Variants in CDH4 observed in about 807,000 individuals in gnomAD.
The protein encoded by CDH4 is cadherin 4, also known as cadherin-4.
CDH4 carries 33 observed loss-of-function variants against 86.0 expected under a neutral mutation model. The ratio of observed to expected loss-of-function variants is 0.38; its 90% CI spans 0.29 to 0.51. CDH4 has a LOEUF of 0.51. Ranked by LOEUF, CDH4 falls within the 20% of genes least tolerant of loss-of-function variation. The pLI, the probability that CDH4 is intolerant of heterozygous loss-of-function variation, is 0.86. For missense variants in CDH4, 1,114 were observed against 1,307.4 expected (o/e 0.85, Z 2.28); for synonymous variants, 555 against 549.4 (o/e 1.01, Z -0.14).
intron 3 of CDH4, among the ~76,000 whole-genome samples, chr20:61,746,167 C>T (rs551688005): frequency 6.6e-6 from 1 of 152,072 alleles, no homozygotes; most frequent in Non-Finnish European, 1.5e-5. Context: ...ATGTCGTTTT[C>T]GTACTTTCCT....
rs146004207 is a variant in CDH4, at chr20:61,495,668, T to C, written c.169+240731T>C. On this transcript the variant is annotated intron_variant, in intron 2 of 15. Transcript: ENST00000614565. ...CTATAATCCCAGCACTTTGGGAGGC[T>C]GAGGCAGGTGGATCGCCTAAGGTCA... 8.4e-3 allele frequency among the ~76,000 whole-genome samples: 1,274 copies of C among 152,238 alleles called. 18 individuals carry two copies. The highest frequency in any genetic ancestry group is 0.03 in the African/African-American group (1,227 of 41,540).
intron 4 of CDH4, among the ~76,000 whole-genome samples, chr20:61,788,386 G>T (rs1046089337): frequency 6.6e-6 from 1 of 152,218 alleles, no homozygotes; most frequent in Non-Finnish European, 1.5e-5. Context: ...CACAGCGTAG[G>T]TTCTGGTTAA....
intron 2 of CDH4, among the ~76,000 whole-genome samples, chr20:61,368,959 G>C (rs1272409150): frequency 6.6e-6 from 1 of 152,158 alleles, no homozygotes; most frequent in African/African-American, 2.4e-5. Flanking sequence ...CATCATTTTT[G>C]TGATATATCC....
chr20:61,520,088 T>G (rs2145625700), intron 2 of CDH4, among the ~76,000 whole-genome samples: 1 of 152,332 alleles, frequency 6.6e-6, no homozygotes, highest in Middle Eastern at 3.4e-3. Context: ...ACCAAGCATC[T>G]TCTTTGGGAA....
At chr20:61,369,392 A>C (rs996113578) in intron 2 of CDH4, among the ~76,000 whole-genome samples, 2 of 142,100 alleles carry the variant, frequency 1.4e-5, no homozygotes, top group Admixed American at 7.5e-5. Flanking sequence ...TGGAGGTTGC[A>C]GTGAGCCAAG....
In CDH4 at chr20:61,810,872, G is replaced by A. The variant is rs535367346; in HGVS notation, c.577-33796G>A. ...CCCCTTGGCCCGGCTTCTCCAGAAC[G>A]CAGCCAGCACAGAGGGTATGGCCGC... On this transcript the variant is annotated intron_variant, in intron 4 of 15. Transcript: ENST00000614565. This position sits in a 1 kb window ranked among gnomAD's most constrained non-coding sequence, Gnocchi z 4.3. 6.6e-5 allele frequency among the ~76,000 whole-genome samples: 10 copies of A among 152,262 alleles called. No individual in the cohort carries two copies. In the South Asian group the frequency reaches 1.7e-3, roughly 25 times the overall value.
intron 2 of CDH4, among the ~76,000 whole-genome samples, chr20:61,412,984 C>T (rs1010595064): frequency 2.0e-5 from 3 of 152,210 alleles, no homozygotes; most frequent in African/African-American, 7.2e-5. Flanking sequence ...GGCTTTGCTT[C>T]TGTCCTCTGC....
At position 61,565,374 on chromosome 20, in the gene CDH4, GGTC is replaced by G. The variant is rs1420922591; in HGVS notation, c.170-178188_170-178186del. Among the ~76,000 whole-genome samples the G allele has an allele frequency of 2.2e-3, 168 of 76,822 alleles. 12 individuals carry two copies. Among genetic ancestry groups the G allele is most frequent in the African/African-American group, 8.6e-3 (134 of 15,506 alleles). 50.4% of individuals were successfully genotyped at this position (76,822 alleles called of 152,430 possible). A position where few individuals can be genotyped will look rare whatever the true frequency, so the allele number is the denominator to read the frequency against. ...TTGGTGATGGGGTGATGGTGGTGGT[GGTC>G]CTCTTGGTGATGGGGTGATGGTGGT... On this transcript the variant is annotated intron_variant, in intron 2 of 15. Transcript: ENST00000614565.
chr20:61,923,823 C>T (rs942087710), intron 10 of CDH4, 119 bp downstream of exon 10: 8 of 1,261,436 alleles, frequency 6.3e-6, no homozygotes, highest in Non-Finnish European at 8.7e-6. Flanking sequence ...TGGTCGGGGG[C>T]ATCTCCAACC....
chr20:61,643,140 C>A (rs764144189), intron 2 of CDH4, among the ~76,000 whole-genome samples: 10 of 152,192 alleles, frequency 6.6e-5, no homozygotes, highest in Non-Finnish European at 1.5e-4. Context: ...CAGGCAGATG[C>A]ATCTGGCCGG....
Position 61,894,954 on chromosome 20 carries a change from A to T in CDH4, c.1095A>T (p.Glu365Asp), listed in dbSNP as rs749463684. The T allele has an allele frequency of 1.2e-6, 2 of 1,613,946 alleles. No homozygotes were observed. Among genetic ancestry groups the T allele is most frequent in the Non-Finnish European group, 1.7e-6 (2 of 1,179,974 alleles). ...YTVIVQATDM[E>D]GNLNYGLSNT... ...TCATCGTTCAGGCCACAGATATGGA[A>T]GGAAATCTCAACTATGGCCTCTCAA... The change falls in exon 8 of 16, where the codon GAA becomes GAT. Residue 365 changes from glutamate to aspartate, a missense_variant. By Grantham distance (45) the Glu-to-Asp change is conservative. Coordinates refer to ENST00000614565, the MANE Select transcript of CDH4 (RefSeq NM_001794.5).
At chr20:61,564,471 C>T (rs78990696) in intron 2 of CDH4, among the ~76,000 whole-genome samples, 2,262 of 152,180 alleles carry the variant, frequency 0.015, 28 homozygotes, top group African/African-American at 0.039. Context: ...TCTGAGCTCA[C>T]GGGAGAGCTG....
intron 2 of CDH4, among the ~76,000 whole-genome samples, chr20:61,497,641 C>T (rs1338150622): frequency 1.3e-5 from 2 of 152,156 alleles, no homozygotes; most frequent in African/African-American, 2.4e-5. Context: ...TTGTGGAAGA[C>T]AGTGTGGCGA....
chr20:61,783,100 C>A (rs1486512698), intron 4 of CDH4, among the ~76,000 whole-genome samples: 13 of 152,150 alleles, frequency 8.5e-5, no homozygotes, highest in Admixed American at 7.9e-4. Context: ...AAAAGAATTT[C>A]TTTATATATG....
chr20:61,364,884 T>G (rs566322608), intron 2 of CDH4, among the ~76,000 whole-genome samples: 10 of 152,168 alleles, frequency 6.6e-5, no homozygotes, highest in Non-Finnish European at 1.5e-4. Flanking sequence ...CTGTTGGAAA[T>G]GCAGACCCTC....
At chr20:61,710,468 C>G (rs993582063) in intron 2 of CDH4, among the ~76,000 whole-genome samples, 2 of 152,234 alleles carry the variant, frequency 1.3e-5, no homozygotes, top group African/African-American at 4.8e-5. Context: ...GCAGAGCCCC[C>G]CTCCTGGGGA....
intron 2 of CDH4, among the ~76,000 whole-genome samples, chr20:61,308,883 G>A (rs544339416): frequency 5.9e-5 from 9 of 152,318 alleles, no homozygotes; most frequent in African/African-American, 2.2e-4. Context: ...AAAGGGCTGG[G>A]CTATGGGAAG....
At chr20:61,699,863 G>A (rs2087756338) in intron 2 of CDH4, among the ~76,000 whole-genome samples, 1 of 152,182 alleles carries the variant, frequency 6.6e-6, no homozygotes, top group Non-Finnish European at 1.5e-5. Flanking sequence ...CACTTCCAAG[G>A]GCTCAGCTGC....
chr20:61,927,795 A>AT (rs1034011192), intron 11 of CDH4, among the ~76,000 whole-genome samples: 3 of 152,250 alleles, frequency 2.0e-5, no homozygotes, highest in African/African-American at 7.2e-5. Flanking sequence ...TTCCACGTGA[A>AT]TGCCACACCC....
Sources: gnomAD v4.1 joint callset for allele counts (sites outside exome capture counted in the v4.1 genomes callset) on GRCh38, gnomAD v4.1.1 for gene constraint, Gnocchi (gnomAD v3.1) non-coding constraint, MANE v1.5 for transcripts, NCBI Gene and HGNC (gene_info 2026-07-23, HGNC 2026-07-21) for gene names.